The following LMBR1 variants were observed in gnomAD, a reference collection of about 807,000 sequenced individuals.
LMBR1 encodes limb region 1 protein homolog.
In LMBR1, 52 loss-of-function variants were observed where a neutral mutation model predicts 73.9. The ratio of observed to expected loss-of-function variants is 0.70; its 90% confidence interval spans 0.56 to 0.89. The LOEUF (loss-of-function observed/expected upper bound fraction) is 0.89, where lower values mean the gene tolerates loss of function less well. Ranked by LOEUF, LMBR1 falls within the 40% of genes least tolerant of loss-of-function variation. The pLI is 0.00. For missense variants in LMBR1, 539 were observed against 579.8 expected (o/e 0.93, Z 0.72); for synonymous variants, 215 against 209.4 (o/e 1.03, Z -0.23).
rs188498913 is a variant in LMBR1, at chr7:156,755,157, T to C, written c.757+1236A>G. Among the ~76,000 whole-genome samples, 230 of 152,342 alleles carry C rather than the reference T, an allele frequency of 1.5e-3. 2 individuals carry two copies. Among genetic ancestry groups the C allele is most frequent in the Non-Finnish European group, 5.1e-4 (35 of 68,024 alleles). ...AACATTTCTATGCCAGTGAGGTGTT[T>C]TTACTGATTTTGGCTTGGCTTCATT... is the stretch of plus-strand genomic sequence containing the variant. On this transcript the variant is annotated intron_variant, in intron 9 of 16. Coordinates refer to ENST00000353442, the MANE Select transcript of LMBR1 (RefSeq NM_022458.4).
chr7:156,827,012 T>TTAAG (rs1835819532), intron 3 of LMBR1, among the ~76,000 whole-genome samples: 1 of 152,184 alleles, frequency 6.6e-6, no homozygotes, highest in Admixed American at 6.5e-5. Flanking sequence ...GACACAGTAC[T>TTAAG]TCACATATTT....
intron 4 of LMBR1, among the ~76,000 whole-genome samples, chr7:156,817,589 A>G (rs75083886): frequency 0.032 from 4,846 of 152,274 alleles, 125 homozygotes; most frequent in South Asian, 0.085. Flanking sequence ...TTATTTACTT[A>G]GAAGAAAAAT....
At chr7:156,724,031 T>G in intron 15 of LMBR1, 81 bp downstream of exon 15, 1 of 947,850 alleles carries the variant, frequency 1.1e-6, no homozygotes, top group East Asian at 2.6e-5. Flanking sequence ...GTAATCTTTA[T>G]GAGTAAATGT....
chr7:156,706,699 A>G (rs1393295170), intron 15 of LMBR1, among the ~76,000 whole-genome samples: 1 of 152,138 alleles, frequency 6.6e-6, no homozygotes, highest in South Asian at 2.1e-4. Context: ...TGGAAACACA[A>G]CATACTGAAA....
At chr7:156,856,893 T>C (rs1797052103) in intron 1 of LMBR1, among the ~76,000 whole-genome samples, 1 of 152,062 alleles carries the variant, frequency 6.6e-6, no homozygotes, top group African/African-American at 2.4e-5. Context: ...GAACTAGGAA[T>C]ATTCTCTCAT....
At chr7:156,885,613 A>G (rs948658414) in intron 1 of LMBR1, among the ~76,000 whole-genome samples, 2 of 152,048 alleles carry the variant, frequency 1.3e-5, no homozygotes, top group African/African-American at 4.8e-5. Context: ...GCATTGACTC[A>G]CACCTGTAAT....
intron 1 of LMBR1, among the ~76,000 whole-genome samples, chr7:156,862,448 C>A (rs535668080): frequency 5.0e-4 from 75 of 150,360 alleles, no homozygotes; most frequent in African/African-American, 1.8e-3. Flanking sequence ...GTGGATCATA[C>A]ACCTAAATGT....
intron 9 of LMBR1, among the ~76,000 whole-genome samples, chr7:156,748,825 T>C (rs1040529951): frequency 6.6e-6 from 1 of 152,188 alleles, no homozygotes; most frequent in Non-Finnish European, 1.5e-5. Context: ...TCTCTCTATA[T>C]ATATATTTCA....
At chr7:156,892,860 CCGGGGG>C in intron 1 of LMBR1, 62 bp downstream of exon 1, 1 of 1,258,128 alleles carries the variant, frequency 7.9e-7, no homozygotes, top group Non-Finnish European at 1.0e-6. Flanking sequence ...GACCGGGGGC[CCGGGGG>C]CGGGGACGGA....
intron 1 of LMBR1, among the ~76,000 whole-genome samples, chr7:156,885,130 A>T (rs544943845): frequency 1.6e-4 from 25 of 152,118 alleles, no homozygotes; most frequent in African/African-American, 6.0e-4. Flanking sequence ...GCAGGGGCGG[A>T]TCACCTGAGG....
At chr7:156,847,138 G>T (rs933916078) in intron 1 of LMBR1, among the ~76,000 whole-genome samples, 1 of 152,016 alleles carries the variant, frequency 6.6e-6, no homozygotes, top group African/African-American at 2.4e-5. Flanking sequence ...ACATAAATAC[G>T]ATCAACTGAT....
At chr7:156,684,304 ATGAATGAT>A in intron 16 of LMBR1, 141 bp from the exon 17 acceptor site, 1 of 678,716 alleles carries the variant, frequency 1.5e-6, no homozygotes, top group African/African-American at 1.8e-5. Context: ...CCCTTGAGGA[ATGAATGAT>A]TTCTTCTCCC....
intron 15 of LMBR1, among the ~76,000 whole-genome samples, chr7:156,713,535 G>A (rs10085551): frequency 0.073 from 11,070 of 151,880 alleles, 570 homozygotes; most frequent in East Asian, 0.15. Flanking sequence ...CAATTTAGCT[G>A]TGAACCTAAA....
intron 15 of LMBR1, among the ~76,000 whole-genome samples, chr7:156,690,553 T>C (rs1018849003): frequency 9.9e-5 from 15 of 152,218 alleles, no homozygotes; most frequent in African/African-American, 3.6e-4. Context: ...TAGAACTTCT[T>C]AGTGGACTCA....
At chr7:156,720,717 T>A (rs1814373786) in intron 15 of LMBR1, among the ~76,000 whole-genome samples, 1 of 151,642 alleles carries the variant, frequency 6.6e-6, no homozygotes, top group Non-Finnish European at 1.5e-5. Flanking sequence ...TTATTTTCTA[T>A]AATATATCTG....
Position 156,724,176 on chromosome 7 carries a change from G to T in LMBR1, c.1161C>A (p.Ile387=), listed in dbSNP as rs900831232. ...PKKDDTTMTK[I]IGNCVSILVL... ...CCAAGATGGACACACAATTTCCAATGATCTGTTATGAGAAACGAGAAAGAA... is the reference window on the plus strand; with the variant it reads ...CCAAGATGGACACACAATTTCCAATTATCTGTTATGAGAAACGAGAAAGAA... The change falls in exon 15 of 17, where the codon ATC becomes ATA. Residue 387 remains isoleucine, a splice_region_variant and synonymous_variant. Transcript: ENST00000353442. 1.6e-5 allele frequency: 26 copies of T among 1,609,388 alleles called. No homozygotes were observed. The highest frequency in any genetic ancestry group is 2.1e-5 in the Non-Finnish European group (25 of 1,177,004).
intron 1 of LMBR1, among the ~76,000 whole-genome samples, chr7:156,890,202 T>C (rs555988364): frequency 5.3e-5 from 8 of 152,138 alleles, no homozygotes; most frequent in East Asian, 3.9e-4. Context: ...TCGAAATAGA[T>C]TGCAAATTTA....
chr7:156,852,257 T>C (rs928850807), intron 1 of LMBR1, among the ~76,000 whole-genome samples: 1 of 152,162 alleles, frequency 6.6e-6, no homozygotes, highest in Non-Finnish European at 1.5e-5. Context: ...ATCAGAAAGC[T>C]AGTAGTTAAA....
intron 1 of LMBR1, among the ~76,000 whole-genome samples, chr7:156,891,288 A>G (rs1156888255): frequency 1.5e-4 from 23 of 148,998 alleles, no homozygotes; most frequent in Non-Finnish European, 4.4e-5. Flanking sequence ...ATATACACAT[A>G]TATATATTCA....
Sources: allele counts gnomAD v4.1 joint callset (sites outside exome capture counted in the v4.1 genomes callset), GRCh38; gene constraint gnomAD v4.1.1; transcripts MANE v1.5; gene names NCBI Gene and HGNC (gene_info 2026-07-23, HGNC 2026-07-21).